AP2B1: variants seen among roughly 807,000 people sequenced by gnomAD.
AP2B1 encodes the protein adaptor related protein complex 2 subunit beta 1, also known as AP-2 complex subunit beta.
In AP2B1, 23 loss-of-function variants were observed where a neutral mutation model predicts 102.0. The ratio of observed to expected loss-of-function variants is 0.23; its 90% confidence interval spans 0.16 to 0.32. The LOEUF (loss-of-function observed/expected upper bound fraction) is 0.32, where lower values mean the gene tolerates loss of function less well. Among genes scored for constraint, AP2B1 ranks in the 10% least tolerant of loss-of-function variants. The pLI is 1.00. For missense variants in AP2B1, 541 were observed against 1,157.4 expected, an observed-to-expected ratio of 0.47 and a Z score of 7.73; for synonymous variants, 381 against 421.2, an observed-to-expected ratio of 0.90 and a Z score of 1.17.
chr17:35,626,677 C>T lies in AP2B1; in HGVS notation c.773C>T (p.Ser258Leu). 6.2e-7 allele frequency: 1 copy of T among 1,613,724 alleles called. No individual in the cohort carries two copies. Among genetic ancestry groups the T allele is most frequent in the Non-Finnish European group, 8.5e-7 (1 of 1,179,952 alleles). ...CATGCCAACTCAGCAGTGGTGCTTTCAGCGGTAAAAGTCCTAATGAAGTTT... is the reference window on the plus strand; with the variant it reads ...CATGCCAACTCAGCAGTGGTGCTTTTAGCGGTAAAAGTCCTAATGAAGTTT... Reference protein sequence around the residue: ...LSHANSAVVLSAVKVLMKFLE... With the variant: ...LSHANSAVVLLAVKVLMKFLE... Residue 258 changes from serine (S) to leucine (L), a missense_variant, in exon 7 of 22, where the codon TCA becomes TTA. Coordinates refer to ENST00000610402, the MANE Select transcript of AP2B1 (RefSeq NM_001030006.2).
chr17:35,636,498 G>A (rs773535938), intron 10 of AP2B1, 42 bp downstream of exon 10: 20 of 1,503,782 alleles, frequency 1.3e-5, no homozygotes, highest in Middle Eastern at 1.7e-4. Context: ...AAATTACTTA[G>A]GAAATGTTTA....
intron 4 of AP2B1, among the ~76,000 whole-genome samples, chr17:35,606,595 TAATA>T (rs1204782482): frequency 1.3e-5 from 2 of 152,148 alleles, no homozygotes; most frequent in African/African-American, 2.4e-5. Flanking sequence ...AGGACTAGTA[TAATA>T]AATTCCTAAA....
rs567779553 is a variant in AP2B1, at chr17:35,606,940, T to C, written c.279+1100T>C. Among the ~76,000 whole-genome samples the C allele has an allele frequency of 2.0e-5, 3 of 151,976 alleles. No homozygotes were observed. The South Asian group carries it at 6.2e-4, about 32-fold the overall frequency. On this transcript the variant is annotated intron_variant, in intron 4 of 21. Transcript: ENST00000610402. ...TTTTTTTGGTGACAGAATTTCACTC[T>C]TGTTGCCCGGGCTGGAGTGCAATGG...
At chr17:35,709,363 T>C in intron 19 of AP2B1, 55 bp downstream of exon 19, 1 of 1,455,842 alleles carries the variant, frequency 6.9e-7, no homozygotes, top group Middle Eastern at 1.7e-4. Flanking sequence ...CCTGTGCATG[T>C]CAGGCAGAGC....
chr17:35,601,383 G>A (rs2073475112), intron 3 of AP2B1, among the ~76,000 whole-genome samples: 1 of 152,148 alleles, frequency 6.6e-6, no homozygotes, highest in Non-Finnish European at 1.5e-5. Flanking sequence ...AGGCTGGAGT[G>A]CAGTGGCGCA....
chr17:35,619,803 G>GAGAC (rs2074122163), intron 5 of AP2B1, among the ~76,000 whole-genome samples: 1 of 152,092 alleles, frequency 6.6e-6, no homozygotes, highest in Admixed American at 6.5e-5. Flanking sequence ...TATCTTTTTG[G>GAGAC]AGACAGAGTC....
At chr17:35,589,077 T>G (rs2072998391) in intron 1 of AP2B1, among the ~76,000 whole-genome samples, 1 of 152,196 alleles carries the variant, frequency 6.6e-6, no homozygotes, top group African/African-American at 2.4e-5. Flanking sequence ...ATGTAAAACT[T>G]TTGAACTCCT....
chr17:35,611,717 C>A (rs755590679), intron 5 of AP2B1, among the ~76,000 whole-genome samples: 2 of 152,008 alleles, frequency 1.3e-5, no homozygotes, highest in African/African-American at 4.8e-5. Context: ...AAAATTAGGA[C>A]AAATAAATGA....
At chr17:35,700,873 T>C (rs2076226620) in intron 18 of AP2B1, among the ~76,000 whole-genome samples, 2 of 152,232 alleles carry the variant, frequency 1.3e-5, no homozygotes, top group South Asian at 2.1e-4. Context: ...CCTGCTTTTG[T>C]GTTTTCAAAG....
At chr17:35,723,509 G>C in intron 21 of AP2B1, 116 bp from the exon 22 acceptor site, 1 of 677,600 alleles carries the variant, frequency 1.5e-6, no homozygotes, top group Admixed American at 2.2e-5. Flanking sequence ...AGCTACTCCA[G>C]TGATAGAAGT....
intron 15 of AP2B1, 56 bp from the exon 16 acceptor site, chr17:35,671,698 G>C: frequency 6.4e-7 from 1 of 1,552,372 alleles, no homozygotes; most frequent in Non-Finnish European, 8.8e-7. Context: ...AATATTTTAA[G>C]GACTGTTAAT....
chr17:35,663,246 C>T (rs926463875), intron 14 of AP2B1, among the ~76,000 whole-genome samples: 2 of 152,140 alleles, frequency 1.3e-5, no homozygotes, highest in Non-Finnish European at 2.9e-5. Context: ...CCATAACCAC[C>T]ATCTTTGTAT....
chr17:35,706,097 ACAG>A (rs2076335542), intron 18 of AP2B1, among the ~76,000 whole-genome samples: 1 of 152,172 alleles, frequency 6.6e-6, no homozygotes, highest in African/African-American at 2.4e-5. Flanking sequence ...AAATTGTTCT[ACAG>A]TAGAAGTCCC....
intron 20 of AP2B1, among the ~76,000 whole-genome samples, chr17:35,711,787 GT>G (rs1161068002): frequency 5.2e-4 from 79 of 152,278 alleles, no homozygotes; most frequent in African/African-American, 1.8e-3. Context: ...TTTAATTTTA[GT>G]TTTTTATGGC....
chr17:35,588,722 C>T (rs1404306201), intron 1 of AP2B1: 2 of 152,168 alleles, frequency 1.3e-5, no homozygotes, highest in Admixed American at 6.5e-5. Context: ...GATGACTAAG[C>T]GTGCTGGTAA....
chr17:35,642,263 G>T (rs908443487), intron 12 of AP2B1, among the ~76,000 whole-genome samples: 2 of 151,652 alleles, frequency 1.3e-5, no homozygotes, highest in African/African-American at 4.8e-5. Context: ...GACGTGATCT[G>T]ATAGTACCTG....
chr17:35,688,766 C>G (rs2075985681), intron 18 of AP2B1, among the ~76,000 whole-genome samples: 1 of 152,150 alleles, frequency 6.6e-6, no homozygotes, highest in Admixed American at 6.5e-5. Context: ...GAGTCCAAGA[C>G]CAGCCTGGCC....
intron 20 of AP2B1, among the ~76,000 whole-genome samples, chr17:35,714,711 A>G (rs1477519270): frequency 5.9e-5 from 9 of 152,192 alleles, no homozygotes; most frequent in Non-Finnish European, 1.0e-4. Flanking sequence ...CTCTGTCGAG[A>G]GAGAGAGAGA....
intron 1 of AP2B1, among the ~76,000 whole-genome samples, chr17:35,589,546 C>T (rs1293221920): frequency 1.3e-5 from 2 of 152,186 alleles, no homozygotes; most frequent in South Asian, 2.1e-4. Context: ...ACTTTGACAA[C>T]CTATATTTGG....
Sources: gnomAD v4.1 joint callset for allele counts (sites outside exome capture counted in the v4.1 genomes callset) on GRCh38, gnomAD v4.1.1 for gene constraint, MANE v1.5 for transcripts, NCBI Gene and HGNC (gene_info 2026-07-23, HGNC 2026-07-21) for gene names.